Variants in SMTN observed in about 807,000 individuals in gnomAD.
The protein encoded by SMTN is smoothelin.
In SMTN, 58 loss-of-function variants were observed where a neutral mutation model predicts 102.0. That is an observed-to-expected ratio of 0.57 (90% CI 0.46 to 0.71). The LOEUF is 0.71. SMTN is among the 30% of genes least tolerant of loss of function. The pLI is 0.00. For synonymous variants in SMTN, 478 were observed against 497.9 expected (o/e 0.96, Z 0.53); for missense variants, 1,185 against 1,241.7 (o/e 0.95, Z 0.69).
At chr22:31,092,727 C>T (rs550259372) in intron 11 of SMTN, among the ~76,000 whole-genome samples, 1 of 152,280 alleles carries the variant, frequency 6.6e-6, no homozygotes, top group African/African-American at 2.4e-5. Flanking sequence ...CCGCTGAGGC[C>T]CTTGAGGTGG....
intron 1 of SMTN, chr22:31,082,320 T>A (rs1242341566): frequency 3.2e-6 from 1 of 314,104 alleles, no homozygotes; most frequent in Non-Finnish European, 6.6e-6. Flanking sequence ...AGGGGTCCAT[T>A]TTGATGGGCA....
Position 31,096,752 on chromosome 22 carries a change from G to T in SMTN, c.1881G>T (p.Arg627=). The T allele has an allele frequency of 6.4e-7, 1 of 1,553,088 alleles. No homozygotes were observed. ...GCCCAGACCAGCGGGACAAGGAGCG[G>T]GAACGGCGGCTGCAGGAGGCACGGG... ...QRKRDQRDKE[R]ERRLQEARGR... is the part of the protein sequence containing the mutation. Residue 627 remains arginine (R), a synonymous_variant, in exon 14 of 21, where the codon CGG becomes CGT. Transcript: ENST00000333137.
At chr22:31,069,606 A>AGTCAGGAAGGAT (rs1318136031) in intron 1 of SMTN, among the ~76,000 whole-genome samples, 2 of 152,166 alleles carry the variant, frequency 1.3e-5, no homozygotes, top group African/African-American at 2.4e-5. Flanking sequence ...GGAGAGAAGG[A>AGTCAGGAAGGAT]GTCAGGAAGG....
intron 20 of SMTN, chr22:31,103,781 C>G (rs2044281500): frequency 2.6e-5 from 4 of 154,950 alleles, no homozygotes; most frequent in Admixed American, 2.5e-4. Context: ...TATCCCCACC[C>G]CCTGTCAAAG....
At chr22:31,082,797 G>A (rs62236127) in intron 1 of SMTN, 5 of 1,442,608 alleles carry the variant, frequency 3.5e-6, no homozygotes, top group South Asian at 2.8e-5. Flanking sequence ...TGGATGGGTG[G>A]GTGGGGCAGG....
Position 31,099,758 on chromosome 22 carries a change from A to G in SMTN, c.2465A>G (p.Gln822Arg). 6.2e-7 allele frequency: 1 copy of G among 1,614,018 alleles called. No homozygotes were observed. Among genetic ancestry groups the G allele is most frequent in the Non-Finnish European group, 8.5e-7 (1 of 1,179,908 alleles). ...KTRGYEHVDI[Q>R]NFSSSWSDGM... ...TACGGCTTATAGCACGTCGACATCCAGAACTTCTCCTCCAGCTGGAGTGAT... is the reference window on the plus strand; with the variant it reads ...TACGGCTTATAGCACGTCGACATCCGGAACTTCTCCTCCAGCTGGAGTGAT... The change falls in exon 19 of 21, where the codon CAG becomes CGG. Residue 822 changes from glutamine (Q) to arginine (R), a missense_variant. Gln to Arg is a conservative substitution (Grantham distance 43). This residue lies in a region of SMTN where 89 missense variants were observed against 128.9 expected (regional missense o/e 0.69). Transcript: ENST00000333137.
At position 31,095,186 on chromosome 22, in the gene SMTN, A is replaced by G; in HGVS notation, c.1633-117A>G. 2 of 1,014,632 alleles carry G rather than the reference A, an allele frequency of 2.0e-6. No homozygotes were observed. 62.9% of individuals were successfully genotyped at this position (1,014,632 alleles called of 1,614,324 possible). On this transcript the variant is annotated intron_variant, in intron 11 of 20. Coordinates refer to ENST00000333137, the MANE Select transcript of SMTN (RefSeq NM_134269.3). This position sits in a 1 kb window ranked among gnomAD's most constrained non-coding sequence, Gnocchi z 4.1. ...CTTTGGGCAGGCAGGCTGGCAGGCTAGTGGTTATTTCCAAGGCGTGCCAGC... is the reference window on the plus strand; with the variant it reads ...CTTTGGGCAGGCAGGCTGGCAGGCTGGTGGTTATTTCCAAGGCGTGCCAGC...
rs533806473 is a variant in SMTN at position 31,088,032 on chromosome 22, A to C, written c.119A>C (p.Gln40Pro). The C allele has an allele frequency of 9.0e-5, 145 of 1,612,138 alleles. 2 individuals carry two copies. The South Asian group carries it at 1.5e-3, about 17-fold the overall frequency. The change falls in exon 3 of 21, where the codon CAG (glutamine) becomes CCG (proline). Residue 40 changes from glutamine to proline, a missense_variant. By Grantham distance (76) the Gln-to-Pro change is moderately conservative (BLOSUM62 -1). Coordinates refer to ENST00000333137, the MANE Select transcript of SMTN (RefSeq NM_134269.3). The stretch of plus-strand genomic sequence containing the variant: ...TCAGCCATCCGGGAACTGCAGCGGC[A>C]GGAGCTGGAGCGCGAGGAGGAGGCC... ...IRSAIRELQR[Q>P]ELEREEEALA...
intron 19 of SMTN, among the ~76,000 whole-genome samples, chr22:31,100,566 G>A (rs906944860): frequency 6.7e-6 from 1 of 148,166 alleles, no homozygotes; most frequent in Non-Finnish European, 1.5e-5. Context: ...CAACGCCATC[G>A]CCCCCACCCC....
intron 16 of SMTN, among the ~76,000 whole-genome samples, chr22:31,098,460 G>A (rs1164887325): frequency 6.6e-6 from 1 of 152,124 alleles, no homozygotes; most frequent in Admixed American, 6.5e-5. Flanking sequence ...GGGGGAGGCG[G>A]AAACCTGTTG....
At position 31,091,934 on chromosome 22, in the gene SMTN, C is replaced by T. The variant is rs1208811223; in HGVS notation, c.1632+87C>T. 4.0e-6 allele frequency: 5 copies of T among 1,255,622 alleles called. No individual in the cohort carries two copies. The South Asian group carries it at 7.8e-5, about 20-fold the overall frequency. 77.8% of individuals were successfully genotyped at this position (1,255,622 alleles called of 1,614,324 possible). The stretch of plus-strand genomic sequence containing the variant: ...GTGTAGGGCTAGCAGGGTTCCTCTG[C>T]TCCTCCCCTACTGCACACACAGAGA... On this transcript the variant is annotated intron_variant, in intron 11 of 20. Transcript: ENST00000333137.
chr22:31,101,240 C>T lies in SMTN; in HGVS notation c.*20+191C>T, dbSNP rs2147817882. The stretch of plus-strand genomic sequence containing the variant: ...ACCATTCTAAATGGGCAGTGATGAC[C>T]CAGGTGGGCAGCACTGTGATGGGGG... On this transcript the variant is annotated intron_variant, in intron 20 of 20. Coordinates refer to ENST00000333137, the MANE Select transcript of SMTN (RefSeq NM_134269.3). 1.2e-5 allele frequency: 7 copies of T among 580,524 alleles called. No individual in the cohort carries two copies. The East Asian group carries it at 2.0e-4, about 17-fold the overall frequency. The allele number at this position is 580,524 out of a possible 1,614,324, so 36.0% of individuals were successfully genotyped here. A position where few individuals can be genotyped will look rare whatever the true frequency, so the allele number is the denominator to read the frequency against.
chr22:31,095,807 T>C lies in SMTN; in HGVS notation c.1861+198T>C. On this transcript the variant is annotated intron_variant, in intron 13 of 20. Transcript: ENST00000333137. This position sits in a 1 kb window ranked among gnomAD's most constrained non-coding sequence, Gnocchi z 4.1. Reference sequence around the variant, plus strand: ...TCCCTAGCTCCTTCTCTCCCGCTGGTGACCCCAGTTATTCTCCCCAACCAG... The same window carrying C: ...TCCCTAGCTCCTTCTCTCCCGCTGGCGACCCCAGTTATTCTCCCCAACCAG... 1.7e-5 allele frequency: 10 copies of C among 599,216 alleles called. No homozygotes were observed. In the South Asian group the frequency reaches 2.0e-4, roughly 12 times the overall value. The allele number at this position is 599,216 out of a possible 1,614,324, so 37.1% of individuals were successfully genotyped here. A position where few individuals can be genotyped will look rare whatever the true frequency, so the allele number is the denominator to read the frequency against.
chr22:31,070,618 A>C (rs9606811), intron 1 of SMTN, among the ~76,000 whole-genome samples: 31,812 of 151,880 alleles, frequency 0.21, 4,038 homozygotes, highest in East Asian at 0.42. Context: ...TGTTCAAAAC[A>C]AAACTTTAAA....
intron 13 of SMTN, 90 bp from the exon 14 acceptor site, chr22:31,096,643 C>G: frequency 7.2e-7 from 1 of 1,387,754 alleles, no homozygotes; most frequent in Non-Finnish European, 9.6e-7. Flanking sequence ...CCACCCTCCA[C>G]CCCGTCTTGT....
intron 1 of SMTN, chr22:31,082,702 C>T (rs1044360601): frequency 1.5e-6 from 1 of 650,336 alleles, no homozygotes; most frequent in Non-Finnish European, 2.8e-6. Flanking sequence ...GGGGGAATGA[C>T]AGTGGTGGTG....
chr22:31,075,999 A>G (rs118163175), intron 1 of SMTN, among the ~76,000 whole-genome samples: 10 of 146,866 alleles, frequency 6.8e-5, no homozygotes, highest in African/African-American at 2.4e-4. Flanking sequence ...TTTGGCTATT[A>G]TTAGGCCCGG....
intron 11 of SMTN, chr22:31,092,363 G>T (rs532836903): frequency 6.0e-5 from 27 of 447,772 alleles, no homozygotes; most frequent in African/African-American, 3.4e-4. Context: ...AAGCTCTGAG[G>T]GGGGACAGAC....
chr22:31,095,465 G>T lies in SMTN; in HGVS notation c.1785+10G>T. 6.2e-7 allele frequency: 1 copy of T among 1,614,256 alleles called. No homozygotes were observed. The highest frequency in any genetic ancestry group is 8.5e-7 in the Non-Finnish European group (1 of 1,180,032). On this transcript the variant is annotated intron_variant, in intron 12 of 20. Transcript: ENST00000333137. The surrounding 1 kb of genome is among the most constrained non-coding windows in gnomAD (Gnocchi z 4.1). Reference sequence around the variant, plus strand: ...AGTCTTGGACAAGATGGTATAGCCAGATCCGGTGGGCTGGGGGTTGGCAGA... The same window carrying T: ...AGTCTTGGACAAGATGGTATAGCCATATCCGGTGGGCTGGGGGTTGGCAGA...
Sources: allele counts gnomAD v4.1 joint callset (sites outside exome capture counted in the v4.1 genomes callset), GRCh38; gene constraint gnomAD v4.1.1; regional missense constraint gnomAD v4.1.1; non-coding constraint Gnocchi (gnomAD v3.1); transcripts MANE v1.5; gene names NCBI Gene and HGNC (gene_info 2026-07-23, HGNC 2026-07-21).